The following PTPRT variants were observed in gnomAD, a reference collection of about 807,000 sequenced individuals.
The protein encoded by PTPRT is protein tyrosine phosphatase receptor type T, also known as receptor-type tyrosine-protein phosphatase T.
Under a neutral mutation model 176.8 loss-of-function variants are expected in PTPRT, and 56 were observed. That is an observed-to-expected ratio of 0.32 (90% CI 0.26 to 0.40). The LOEUF (loss-of-function observed/expected upper bound fraction) is 0.40, where lower values mean the gene tolerates loss of function less well. Among genes scored for constraint, PTPRT ranks in the 10% least tolerant of loss-of-function variants. PTPRT has a pLI of 1.00. For missense variants in PTPRT, 1,540 were observed against 1,908.2 expected, an observed-to-expected ratio of 0.81 and a Z score of 3.60; for synonymous variants, 783 against 739.0, an observed-to-expected ratio of 1.06 and a Z score of -0.96.
rs1982714212 is a variant in PTPRT, at chr20:42,075,824, T to C, written c.*5055A>G. 4.9e-6 allele frequency: 1 copy of C among 204,648 alleles called. No homozygotes were observed. The highest frequency in any genetic ancestry group is 1.9e-4 in the South Asian group (1 of 5,302). 12.7% of individuals were successfully genotyped at this position (204,648 alleles called of 1,614,324 possible). A position where few individuals can be genotyped will look rare whatever the true frequency, so the allele number is the denominator to read the frequency against. On this transcript the variant is annotated 3_prime_UTR_variant, in exon 31 of 31. Transcript: ENST00000373187. Reference sequence around the variant, plus strand: ...GGGAGTGGAGGATGAATAAACATGATGGGTCAGAGGGAAATGCATCATCTT... The same window carrying C: ...GGGAGTGGAGGATGAATAAACATGACGGGTCAGAGGGAAATGCATCATCTT...
chr20:42,990,236 A>T (rs1983825087), intron 1 of PTPRT, among the ~76,000 whole-genome samples: 1 of 152,238 alleles, frequency 6.6e-6, no homozygotes, highest in African/African-American at 2.4e-5. Flanking sequence ...TATTCTAAAT[A>T]AAGTTTTATT....
intron 1 of PTPRT, among the ~76,000 whole-genome samples, chr20:42,980,347 G>T (rs756514671): frequency 6.6e-6 from 1 of 152,144 alleles, no homozygotes; most frequent in Non-Finnish European, 1.5e-5. Context: ...CTGTAACCTT[G>T]GGCAAGACTT....
At chr20:43,122,338 C>T (rs1306977159) in intron 1 of PTPRT, among the ~76,000 whole-genome samples, 1 of 152,184 alleles carries the variant, frequency 6.6e-6, no homozygotes, top group Non-Finnish European at 1.5e-5. Flanking sequence ...CTCTGTCTGG[C>T]ACACAGAGCC....
intron 11 of PTPRT, among the ~76,000 whole-genome samples, chr20:42,347,714 T>G (rs1894591): frequency 0.68 from 103,495 of 151,992 alleles, 35,466 homozygotes; most frequent in East Asian, 0.93. Flanking sequence ...ATCAGATCAC[T>G]CCATTACCTT....
At chr20:42,232,424 C>T (rs573061395) in intron 15 of PTPRT, among the ~76,000 whole-genome samples, 54 of 152,270 alleles carry the variant, frequency 3.5e-4, no homozygotes, top group Non-Finnish European at 6.8e-4. Flanking sequence ...GGGGTCTGGG[C>T]TGGGGCCCTT....
intron 7 of PTPRT, among the ~76,000 whole-genome samples, chr20:42,546,602 G>C (rs2072678925): frequency 6.6e-6 from 1 of 152,156 alleles, no homozygotes; most frequent in Non-Finnish European, 1.5e-5. Flanking sequence ...CTTGGTGCCT[G>C]TCTGTCTTGG....
chr20:42,352,979 T>C (rs2058308097), intron 9 of PTPRT, among the ~76,000 whole-genome samples: 1 of 152,244 alleles, frequency 6.6e-6, no homozygotes, highest in Admixed American at 6.5e-5. Context: ...CACATCTTGT[T>C]GAACCCAGTG....
In PTPRT at chr20:42,079,582, T is replaced by G. The variant is rs1983115078; in HGVS notation, c.*1297A>C. The G allele has an allele frequency of 4.4e-6, 1 of 225,604 alleles. No individual in the cohort carries two copies. The highest frequency in any genetic ancestry group is 1.8e-4 in the South Asian group (1 of 5,450). The allele number at this position is 225,604 out of a possible 1,614,324, so 14.0% of individuals were successfully genotyped here. A position where few individuals can be genotyped will look rare whatever the true frequency, so the allele number is the denominator to read the frequency against. On this transcript the variant is annotated 3_prime_UTR_variant, in exon 31 of 31. Transcript: ENST00000373187. Reference sequence around the variant, plus strand: ...GCATACAGTAGAGACTTAGCAAATGTTGGTTCCCTCTCATTGACTCACTCA... The same window carrying G: ...GCATACAGTAGAGACTTAGCAAATGGTGGTTCCCTCTCATTGACTCACTCA...
chr20:42,083,507 G>T (rs1022429426), intron 29 of PTPRT, among the ~76,000 whole-genome samples: 1 of 152,168 alleles, frequency 6.6e-6, no homozygotes, highest in South Asian at 2.1e-4. Flanking sequence ...AAGAATTTTT[G>T]CTGCAGGTGG....
At chr20:42,832,446 C>T (rs541979275) in intron 2 of PTPRT, among the ~76,000 whole-genome samples, 2 of 151,952 alleles carry the variant, frequency 1.3e-5, no homozygotes, top group South Asian at 2.1e-4. Context: ...AATAATCAAA[C>T]CCCACAACAC....
At chr20:43,097,561 A>G (rs1392936377) in intron 1 of PTPRT, among the ~76,000 whole-genome samples, 4 of 152,230 alleles carry the variant, frequency 2.6e-5, no homozygotes, top group Non-Finnish European at 5.9e-5. Context: ...CAGTTGCAGA[A>G]GCTGAGGCAC....
At chr20:42,331,333 A>C (rs1367666450) in intron 11 of PTPRT, among the ~76,000 whole-genome samples, 1 of 152,162 alleles carries the variant, frequency 6.6e-6, no homozygotes, top group Non-Finnish European at 1.5e-5. Flanking sequence ...TTAAAAGAGT[A>C]ATCAGTAGGG....
intron 16 of PTPRT, among the ~76,000 whole-genome samples, chr20:42,198,259 C>G (rs936049345): frequency 6.6e-6 from 1 of 152,214 alleles, no homozygotes; most frequent in African/African-American, 2.4e-5. Flanking sequence ...AAGGATCTTA[C>G]AGGACTATGG....
In PTPRT at chr20:42,450,537, A is replaced by G. The variant is rs190089116; in HGVS notation, c.1451-2208T>C. Among the ~76,000 whole-genome samples, 5 of 152,198 alleles carry G rather than the reference A, an allele frequency of 3.3e-5. No individual in the cohort carries two copies. The East Asian group carries it at 9.7e-4, about 29-fold the overall frequency. On this transcript the variant is annotated intron_variant, in intron 8 of 30. Coordinates refer to ENST00000373187, the MANE Select transcript of PTPRT (RefSeq NM_007050.6). ...TGCTCATTTTCCTGTATGGCTCTTC[A>G]TTTTTGCTCATCTTTGTCTTATGGG...
At position 42,952,117 on chromosome 20, in the gene PTPRT, G is replaced by A. The variant is rs139138081; in HGVS notation, c.89-66185C>T. 7.5e-4 allele frequency among the ~76,000 whole-genome samples: 114 copies of A among 152,274 alleles called. 2 individuals are homozygous for A. The highest frequency in any genetic ancestry group is 2.4e-3 in the African/African-American group (98 of 41,570). On this transcript the variant is annotated intron_variant, in intron 1 of 30. Coordinates refer to ENST00000373187, the MANE Select transcript of PTPRT (RefSeq NM_007050.6). The stretch of plus-strand genomic sequence containing the variant: ...TAGCAGGGCAGGATCATGTGGCCAC[G>A]CAGTGTCCAGCCTACTTCCTCCCCT...
intron 11 of PTPRT, among the ~76,000 whole-genome samples, chr20:42,345,653 T>A (rs1214220136): frequency 6.7e-6 from 1 of 149,714 alleles, no homozygotes; most frequent in Non-Finnish European, 1.5e-5. Context: ...CTATCCCATG[T>A]AAAGGGAATT....
rs148220194 is a variant in PTPRT, at chr20:42,454,295, T to C, written c.1451-5966A>G. Among the ~76,000 whole-genome samples the C allele has an allele frequency of 2.0e-3, 305 of 152,356 alleles. 1 individual carries two copies. The highest frequency in any genetic ancestry group is 3.0e-3 in the Admixed American group (46 of 15,308). ...GTAGGGTTTCTTACAATATAATTTA[T>C]TGGAATACTTTTGTATATTTGATTG... On this transcript the variant is annotated intron_variant, in intron 8 of 30. Transcript: ENST00000373187.
intron 1 of PTPRT, among the ~76,000 whole-genome samples, chr20:42,982,206 CCACCAAATTTTCAAACGTACT>C (rs1293926676): frequency 6.6e-6 from 1 of 152,156 alleles, no homozygotes; most frequent in Non-Finnish European, 1.5e-5. Context: ...CCTACACTTA[CCACCAAATTTTCAAACGTACT>C]CAGCATCATT....
chr20:42,597,866 C>G (rs539248756), intron 7 of PTPRT, among the ~76,000 whole-genome samples: 1 of 152,320 alleles, frequency 6.6e-6, no homozygotes, highest in South Asian at 2.1e-4. Context: ...AAGAAAGACA[C>G]AGATCATCAG....
Sources: allele counts gnomAD v4.1 joint callset (sites outside exome capture counted in the v4.1 genomes callset), GRCh38; gene constraint gnomAD v4.1.1; transcripts MANE v1.5; gene names NCBI Gene and HGNC (gene_info 2026-07-23, HGNC 2026-07-21).